The following COX6B2 variants were observed in gnomAD, a reference collection of about 807,000 sequenced individuals.
COX6B2 encodes COX VIb-2.
A neutral mutation model predicts 13.7 loss-of-function variants in COX6B2; 12 were observed. The observed-to-expected ratio is 0.87, with a 90% CI of 0.56 to 1.41. COX6B2 has a LOEUF of 1.41. Ranked by LOEUF, COX6B2 falls within the 40% of genes most tolerant of loss-of-function variation. COX6B2 has a pLI of 0.00. For synonymous variants in COX6B2, 56 were observed against 46.6 expected, an observed-to-expected ratio of 1.20 and a Z score of -0.82; for missense variants, 130 against 118.3, an observed-to-expected ratio of 1.10 and a Z score of -0.46.
In COX6B2 at chr19:55,353,612, T is replaced by C. The variant is rs1490223634; in HGVS notation, c.*109A>G. On this transcript the variant is annotated 3_prime_UTR_variant, in exon 4 of 5. Coordinates refer to ENST00000326529, the MANE Select transcript of COX6B2 (RefSeq NM_144613.5). ...AAACATCAGCAACAGCATACCATTA[T>C]TCGTGGCTTAGACACTGGGAGGTAG... 2.0e-6 allele frequency: 2 copies of C among 996,424 alleles called. No individual in the cohort carries two copies. Among genetic ancestry groups the C allele is most frequent in the African/African-American group, 1.6e-5 (1 of 61,760 alleles). 61.7% of individuals were successfully genotyped at this position (996,424 alleles called of 1,614,324 possible). A position where few individuals can be genotyped will look rare whatever the true frequency, so the allele number is the denominator to read the frequency against.
At position 55,353,937 on chromosome 19, in the gene COX6B2, G is replaced by C; in HGVS notation, c.142C>G (p.Arg48Gly). ...CAGGGCTGCGTGCTCTTCCCGCGGC[G>C]GGTCCTGGTCTTGAGGCAGCGGTGG... ...DYHRCLKTRT[R>G]RGKSTQPCEY... Residue 48 changes from arginine (R) to glycine (G), a missense_variant, in exon 3 of 5, where the codon CGC (arginine) becomes GGC (glycine). By Grantham distance (125) the Arg-to-Gly change is moderately radical. Transcript: ENST00000326529. 1 of 1,559,012 alleles carries C rather than the reference G, an allele frequency of 6.4e-7. No individual in the cohort carries two copies. The highest frequency in any genetic ancestry group is 8.7e-7 in the Non-Finnish European group (1 of 1,154,276).
intron 4 of COX6B2, chr19:55,353,136 T>G (rs1600273825): frequency 9.2e-5 from 13 of 140,672 alleles, no homozygotes; most frequent in South Asian, 2.1e-4. Context: ...GCCCAGAGAG[T>G]GGGGGAGGAA....
At chr19:55,354,076 C>A in intron 2 of COX6B2, 110 bp from the exon 3 acceptor site, 2 of 963,350 alleles carry the variant, frequency 2.1e-6, no homozygotes, top group South Asian at 1.5e-5. Flanking sequence ...GCCTCCCTCT[C>A]CCCTGGAGGC....
chr19:55,354,594 C>A, intron 1 of COX6B2, 55 bp from the exon 2 acceptor site: 2 of 1,115,418 alleles, frequency 1.8e-6, no homozygotes, highest in Non-Finnish European at 2.7e-6. Context: ...GCCCTCGCTC[C>A]GACCCGTCTC....
intron 4 of COX6B2, chr19:55,351,865 C>CT (rs1310318788): frequency 6.6e-6 from 1 of 152,660 alleles, no homozygotes; most frequent in Non-Finnish European, 1.5e-5. Context: ...CTGCCCCTGG[C>CT]TCAGGCATCA....
At chr19:55,351,419 C>A (rs889896088) in intron 4 of COX6B2, among the ~76,000 whole-genome samples, 1 of 152,080 alleles carries the variant, frequency 6.6e-6, no homozygotes, top group Non-Finnish European at 1.5e-5. Context: ...GGCGAAGCTG[C>A]GGCCCCTAGG....
rs1194642377 is a variant in COX6B2, at chr19:55,350,134, A to T, written c.*781T>A. On this transcript the variant is annotated 3_prime_UTR_variant, in exon 5 of 5. Transcript: ENST00000326529. This position sits in a 1 kb window ranked among gnomAD's most constrained non-coding sequence, Gnocchi z 4.2. ...AGGAGCGAAACTCTGTCTCAAAAAA[A>T]ATAAAAATAAAAATAAAAATGGTGA... 1 of 152,276 alleles carries T rather than the reference A, an allele frequency of 6.6e-6. No homozygotes were observed. Among genetic ancestry groups the T allele is most frequent in the African/African-American group, 2.4e-5 (1 of 41,530 alleles). 9.4% of individuals were successfully genotyped at this position (152,276 alleles called of 1,614,324 possible). A position where few individuals can be genotyped will look rare whatever the true frequency, so the allele number is the denominator to read the frequency against.
chr19:55,353,575 G>C (rs1168924715), intron 4 of COX6B2, 32 bp downstream of exon 4: 1 of 754,410 alleles, frequency 1.3e-6, no homozygotes, highest in Non-Finnish European at 2.1e-6. Flanking sequence ...TCGCTGGCTG[G>C]GCATTAAGAA....
In COX6B2 at chr19:55,350,084, A is replaced by G. The variant is rs2089659793; in HGVS notation, c.*831T>C. 6.6e-6 allele frequency: 1 copy of G among 152,172 alleles called. No homozygotes were observed. The highest frequency in any genetic ancestry group is 2.4e-5 in the African/African-American group (1 of 41,422). 9.4% of individuals were successfully genotyped at this position (152,172 alleles called of 1,614,324 possible). On this transcript the variant is annotated 3_prime_UTR_variant, in exon 5 of 5. Transcript: ENST00000326529. This position sits in a 1 kb window ranked among gnomAD's most constrained non-coding sequence, Gnocchi z 4.2. ...AGAGGTTGCAGTGAGCTGAGATCGC[A>G]TCATTGTACTCCAGCCTGGGTGACA...
In COX6B2 at chr19:55,353,926, C is replaced by G; in HGVS notation, c.153G>C (p.Lys51Asn). The G allele has an allele frequency of 6.4e-7, 1 of 1,568,246 alleles. No homozygotes were observed. The highest frequency in any genetic ancestry group is 8.6e-7 in the Non-Finnish European group (1 of 1,159,014). The change falls in exon 3 of 5, where the codon AAG becomes AAC. Residue 51 changes from lysine to asparagine, a missense_variant. Coordinates refer to ENST00000326529, the MANE Select transcript of COX6B2 (RefSeq NM_144613.5). ...RCLKTRTRRG[K>N]STQPCEYYFR... ...AATAGTACTCGCAGGGCTGCGTGCT[C>G]TTCCCGCGGCGGGTCCTGGTCTTGA...
chr19:55,354,196 C>T, intron 2 of COX6B2: 1 of 641,384 alleles, frequency 1.6e-6, no homozygotes, highest in Non-Finnish European at 2.8e-6. Context: ...CGACTCGGCC[C>T]CGCACCTTCC....
Position 55,353,987 on chromosome 19 carries a change from G to T in COX6B2, c.113-21C>A, listed in dbSNP as rs1463514057. The T allele has an allele frequency of 3.9e-6, 6 of 1,531,342 alleles. No individual in the cohort carries two copies. In the Admixed American group the frequency reaches 1.2e-4, roughly 30 times the overall value. The allele number at this position is 1,531,342 out of a possible 1,614,324, so 94.9% of individuals were successfully genotyped here. The stretch of plus-strand genomic sequence containing the variant: ...GTAGTCTGTGGCGGGCGGGGGTCAC[G>T]CGGCAAGCCACGCCCATTCCAGGAC... On this transcript the variant is annotated intron_variant, in intron 2 of 4. Coordinates refer to ENST00000326529, the MANE Select transcript of COX6B2 (RefSeq NM_144613.5).
At chr19:55,351,994 GC>G (rs1351317932) in intron 4 of COX6B2, 2 of 153,738 alleles carry the variant, frequency 1.3e-5, no homozygotes, top group Non-Finnish European at 2.9e-5. Flanking sequence ...GGCCAACAGG[GC>G]AAAAATGGGT....
intron 2 of COX6B2, 135 bp downstream of exon 2, chr19:55,354,275 G>T: frequency 1.3e-6 from 1 of 798,732 alleles, no homozygotes; most frequent in Non-Finnish European, 2.1e-6. Flanking sequence ...TCTCGACCAG[G>T]CCCCGCCCCC....
intron 2 of COX6B2, 67 bp downstream of exon 2, chr19:55,354,343 G>C: frequency 8.0e-7 from 1 of 1,254,978 alleles, no homozygotes; most frequent in Non-Finnish European, 1.1e-6. Context: ...CTTAGGGTGG[G>C]AGTGCCCCTC....
rs1338335342 is a variant in COX6B2, at chr19:55,353,532, C to T, written c.*114+75G>A. On this transcript the variant is annotated intron_variant, in intron 4 of 4. Transcript: ENST00000326529. ...AAAGCAGCGTTAGCCCGGACACAGG[C>T]ACACGGAGGATCCCCACCACCACCA... is the stretch of plus-strand genomic sequence containing the variant. 7.9e-6 allele frequency: 5 copies of T among 635,268 alleles called. No homozygotes were observed. The East Asian group carries it at 1.4e-4, about 17-fold the overall frequency. The allele number at this position is 635,268 out of a possible 1,614,324, so 39.4% of individuals were successfully genotyped here.
In COX6B2 at chr19:55,350,750, CATACACGTGG is replaced by C. The variant is rs1399343410; in HGVS notation, c.*155_*164del. ...CGAAGCCTGGGCCTGAGAACCCCAT[CATACACGTGG>C]AGACCAGAGCAAGGGAAACAAGGAA... On this transcript the variant is annotated 3_prime_UTR_variant, in exon 5 of 5. Transcript: ENST00000326529. This position sits in a 1 kb window ranked among gnomAD's most constrained non-coding sequence, Gnocchi z 4.2. The C allele has an allele frequency of 6.6e-6, 1 of 152,334 alleles. No homozygotes were observed. The highest frequency in any genetic ancestry group is 1.5e-5 in the Non-Finnish European group (1 of 68,138). The allele number at this position is 152,334 out of a possible 1,614,324, so 9.4% of individuals were successfully genotyped here. A position where few individuals can be genotyped will look rare whatever the true frequency, so the allele number is the denominator to read the frequency against.
Position 55,353,973 on chromosome 19 carries a change from C to T in COX6B2, c.113-7G>A, listed in dbSNP as rs368616257. 9 of 1,540,176 alleles carry T rather than the reference C, an allele frequency of 5.8e-6. No individual in the cohort carries two copies. Among genetic ancestry groups the T allele is most frequent in the Non-Finnish European group, 7.0e-6 (8 of 1,147,602 alleles). Reference sequence around the variant, plus strand: ...TTGAGGCAGCGGTGGTAGTCTGTGGCGGGCGGGGGTCACGCGGCAAGCCAC... The same window carrying T: ...TTGAGGCAGCGGTGGTAGTCTGTGGTGGGCGGGGGTCACGCGGCAAGCCAC... On this transcript the variant is annotated splice_polypyrimidine_tract_variant and splice_region_variant and intron_variant, in intron 2 of 4. Coordinates refer to ENST00000326529, the MANE Select transcript of COX6B2 (RefSeq NM_144613.5).
At chr19:55,354,275 G>GCC in intron 2 of COX6B2, 135 bp downstream of exon 2, 1 of 798,732 alleles carries the variant, frequency 1.3e-6, no homozygotes. Flanking sequence ...TCTCGACCAG[G>GCC]CCCCGCCCCC....
Sources: gnomAD v4.1 joint callset for allele counts (sites outside exome capture counted in the v4.1 genomes callset) on GRCh38, gnomAD v4.1.1 for gene constraint, Gnocchi (gnomAD v3.1) non-coding constraint, MANE v1.5 for transcripts, NCBI Gene and HGNC (gene_info 2026-07-23, HGNC 2026-07-21) for gene names.